Variants in SETBP1 observed in about 807,000 individuals in gnomAD.
SETBP1 encodes the protein SET-binding protein.
Under a neutral mutation model 101.0 loss-of-function variants are expected in SETBP1, and 9 were observed. That is an observed-to-expected ratio of 0.09 (90% CI 0.05 to 0.16). SETBP1 has a LOEUF of 0.16. Ranked by LOEUF, SETBP1 falls within the 10% of genes least tolerant of loss-of-function variation. SETBP1 has a pLI of 1.00. For missense variants in SETBP1, 1,858 were observed against 2,033.8 expected (o/e 0.91, Z 1.66); for synonymous variants, 818 against 788.5 (o/e 1.04, Z -0.63).
At position 44,953,326 on chromosome 18, in the gene SETBP1, C is replaced by G; in HGVS notation, c.3986C>G (p.Ser1329Cys). The G allele has an allele frequency of 1.2e-6, 2 of 1,613,580 alleles. No homozygotes were observed. Among genetic ancestry groups the G allele is most frequent in the Non-Finnish European group, 1.7e-6 (2 of 1,179,788 alleles). The change falls in exon 4 of 6, where the codon TCC becomes TGC. Residue 1329 changes from serine to cysteine, a missense_variant. Ser to Cys is a moderately radical substitution (Grantham distance 112). Coordinates refer to ENST00000649279, the MANE Select transcript of SETBP1 (RefSeq NM_015559.3). The part of the protein sequence containing the change: ...MNRKERSSYD[S>C]SMSPGMPSPH... ...CGCAAGGAGAGAAGTTCTTATGACT[C>G]CTCCATGTCTCCAGGTAAGGCTGTT...
rs150070233 is a variant in SETBP1 at position 44,812,834 on chromosome 18, G to C, written c.487-56396G>C. ...TTTATAATTTGATGAGGGCTAAAAT[G>C]TGAGAAAATGCTACACTTCAGCAGG... On this transcript the variant is annotated intron_variant, in intron 2 of 5. Coordinates refer to ENST00000649279, the MANE Select transcript of SETBP1 (RefSeq NM_015559.3). 6.0e-3 allele frequency among the ~76,000 whole-genome samples: 916 copies of C among 152,350 alleles called. 6 individuals carry two copies. The highest frequency in any genetic ancestry group is 9.5e-3 in the Non-Finnish European group (643 of 68,040).
At chr18:44,901,697 T>C (rs1449359619) in intron 3 of SETBP1, among the ~76,000 whole-genome samples, 8 of 152,176 alleles carry the variant, frequency 5.3e-5, no homozygotes, top group Non-Finnish European at 1.0e-4. Flanking sequence ...CCAGACATTA[T>C]ACACTTAGGG....
In SETBP1 at chr18:44,869,438, C is replaced by T. The variant is rs2069218236; in HGVS notation, c.540+155C>T. On this transcript the variant is annotated intron_variant, in intron 3 of 5. Coordinates refer to ENST00000649279, the MANE Select transcript of SETBP1 (RefSeq NM_015559.3). Reference sequence around the variant, plus strand: ...TGACAATGACCTGGTGGCTTGCTCTCCTCCTCCAGCTCCTCTCATTCTAGC... The same window carrying T: ...TGACAATGACCTGGTGGCTTGCTCTTCTCCTCCAGCTCCTCTCATTCTAGC... 16 of 719,784 alleles carry T rather than the reference C, an allele frequency of 2.2e-5. No individual in the cohort carries two copies. The South Asian group carries it at 2.3e-4, about 10-fold the overall frequency. 44.6% of individuals were successfully genotyped at this position (719,784 alleles called of 1,614,324 possible). A position where few individuals can be genotyped will look rare whatever the true frequency, so the allele number is the denominator to read the frequency against.
intron 4 of SETBP1, among the ~76,000 whole-genome samples, chr18:44,973,347 G>A (rs913811422): frequency 1.3e-5 from 2 of 151,650 alleles, no homozygotes; most frequent in Non-Finnish European, 2.9e-5. Flanking sequence ...TCTTTTTTTT[G>A]TTGTGCTTCT....
chr18:44,744,607 C>A (rs971570391), intron 2 of SETBP1, among the ~76,000 whole-genome samples: 7 of 152,142 alleles, frequency 4.6e-5, no homozygotes, highest in Non-Finnish European at 7.3e-5. Flanking sequence ...TGGCGAATGT[C>A]GCGCACCCAG....
chr18:44,950,831 G>A lies in SETBP1; in HGVS notation c.1491G>A (p.Pro497=), dbSNP rs113053616. 2,411 of 1,614,110 alleles carry A rather than the reference G, an allele frequency of 1.5e-3. 16 individuals are homozygous for A. The highest frequency in any genetic ancestry group is 0.015 in the African/African-American group (1,110 of 75,022). ...EKVIPGGVSK[P]RKPPMVMTPP... Reference sequence around the variant, plus strand: ...TTATCCCAGGAGGTGTGTCTAAGCCGCGGAAGCCACCCATGGTCATGACAC... The same window carrying A: ...TTATCCCAGGAGGTGTGTCTAAGCCACGGAAGCCACCCATGGTCATGACAC... The change falls in exon 4 of 6, where the codon CCG becomes CCA. Residue 497 remains proline, a synonymous_variant. Transcript: ENST00000649279.
chr18:44,789,514 T>C (rs1269347499), intron 2 of SETBP1, among the ~76,000 whole-genome samples: 2 of 152,218 alleles, frequency 1.3e-5, no homozygotes, highest in African/African-American at 4.8e-5. Context: ...ATCCGAGCAG[T>C]ATGTGGAAGA....
intron 3 of SETBP1, among the ~76,000 whole-genome samples, chr18:44,884,849 C>T (rs746840348): frequency 3.9e-5 from 6 of 152,038 alleles, no homozygotes; most frequent in Non-Finnish European, 7.4e-5. Context: ...GTCATGAGTT[C>T]AGTGTCTAGG....
intron 2 of SETBP1, among the ~76,000 whole-genome samples, chr18:44,702,656 T>C (rs911294234): frequency 1.3e-5 from 2 of 152,240 alleles, no homozygotes; most frequent in Admixed American, 6.5e-5. Context: ...TCAAGAATTG[T>C]TAAAATCTCC....
At chr18:45,040,047 C>T (rs1056103569) in intron 5 of SETBP1, among the ~76,000 whole-genome samples, 9 of 152,224 alleles carry the variant, frequency 5.9e-5, no homozygotes, top group Non-Finnish European at 8.8e-5. Context: ...AGGGAGACAC[C>T]GAATTACACA....
rs761279467 is a variant in SETBP1, at chr18:44,953,068, C to T, written c.3728C>T (p.Thr1243Ile). ...TLSLSDAQHWTQAKEKGDLSS... is the reference protein window; with the variant it reads ...TLSLSDAQHWIQAKEKGDLSS... ...TCACTTTCCGACGCCCAGCATTGGA[C>T]ACAGGCCAAGGAAAAAGGAGACTTG... Residue 1243 changes from threonine (T) to isoleucine (I), a missense_variant, in exon 4 of 6, where the codon ACA becomes ATA. By Grantham distance (89) the Thr-to-Ile change is moderately conservative. This residue lies in a region of SETBP1 where 417 missense variants were observed against 389.1 expected (regional missense o/e 1.07). Transcript: ENST00000649279. The T allele has an allele frequency of 6.2e-7, 1 of 1,614,178 alleles. No individual in the cohort carries two copies. The highest frequency in any genetic ancestry group is 8.5e-7 in the Non-Finnish European group (1 of 1,180,030).
At chr18:44,767,765 C>G (rs1021116099) in intron 2 of SETBP1, among the ~76,000 whole-genome samples, 1 of 152,152 alleles carries the variant, frequency 6.6e-6, no homozygotes, top group South Asian at 2.1e-4. Flanking sequence ...GACATCATCA[C>G]TTATTTACAG....
chr18:44,807,824 T>C (rs1282013432), intron 2 of SETBP1, among the ~76,000 whole-genome samples: 1 of 152,156 alleles, frequency 6.6e-6, no homozygotes, highest in Non-Finnish European at 1.5e-5. Flanking sequence ...GAAAATGGAA[T>C]TCACAAGGGC....
intron 5 of SETBP1, among the ~76,000 whole-genome samples, chr18:45,057,859 A>C (rs1215068050): frequency 6.6e-6 from 1 of 152,210 alleles, no homozygotes; most frequent in Non-Finnish European, 1.5e-5. Flanking sequence ...CTTCTATATA[A>C]CTAAGCCTTG....
chr18:44,952,362 C>A lies in SETBP1; in HGVS notation c.3022C>A (p.Arg1008Ser), dbSNP rs776187085. Residue 1008 changes from arginine (R) to serine (S), a missense_variant, in exon 4 of 6, where the codon CGT (arginine) becomes AGT (serine). Arg to Ser is a moderately radical substitution (Grantham distance 110). Transcript: ENST00000649279. The part of the protein sequence containing the change: ...YIQYDPLLYL[R>S]RTSDLKSKKK... ...CCAGTATGACCCGTTGCTCTATCTT[C>A]GTAGGACTTCAGACTTGAAGTCAAA... is the stretch of plus-strand genomic sequence containing the variant. 1 of 1,614,080 alleles carries A rather than the reference C, an allele frequency of 6.2e-7. No homozygotes were observed. Among genetic ancestry groups the A allele is most frequent in the South Asian group, 1.1e-5 (1 of 91,078 alleles).
At chr18:44,858,009 G>C (rs1251869924) in intron 2 of SETBP1, among the ~76,000 whole-genome samples, 3 of 152,132 alleles carry the variant, frequency 2.0e-5, no homozygotes, top group Non-Finnish European at 2.9e-5. Flanking sequence ...CAGAAAAGGA[G>C]AGTTTCTGGC....
rs758128091 is a variant in SETBP1 at position 44,952,080 on chromosome 18, C to T, written c.2740C>T (p.Arg914Trp). The T allele has an allele frequency of 1.5e-5, 24 of 1,613,964 alleles. No homozygotes were observed. Among genetic ancestry groups the T allele is most frequent in the South Asian group, 1.3e-4 (12 of 91,070 alleles). The change falls in exon 4 of 6, where the codon CGG (arginine) becomes TGG (tryptophan). Residue 914 changes from arginine (R) to tryptophan (W), a missense_variant. Physicochemically the swap from Arg to Trp is moderately radical, Grantham distance 101. Coordinates refer to ENST00000649279, the MANE Select transcript of SETBP1 (RefSeq NM_015559.3). ...TCCGTCCGACACCAGCACAAAGAAC[C>T]GGCATGGCCACCGGCAAAAGCATCT... is the stretch of plus-strand genomic sequence containing the variant. Reference protein sequence around the residue: ...AIPSDTSTKNRHGHRQKHLIV... With the variant: ...AIPSDTSTKNWHGHRQKHLIV...
chr18:44,848,748 G>A (rs964891852), intron 2 of SETBP1, among the ~76,000 whole-genome samples: 2 of 152,120 alleles, frequency 1.3e-5, no homozygotes, highest in Non-Finnish European at 1.5e-5. Context: ...ATTGTCATTC[G>A]GAAGCCTCCC....
intron 3 of SETBP1, among the ~76,000 whole-genome samples, chr18:44,904,047 C>T (rs2070114803): frequency 6.6e-6 from 1 of 152,122 alleles, no homozygotes; most frequent in African/African-American, 2.4e-5. Context: ...GAGTCTACAG[C>T]AGGCAACTCA....
Sources: gnomAD v4.1 joint callset for allele counts (sites outside exome capture counted in the v4.1 genomes callset) on GRCh38, gnomAD v4.1.1 for gene constraint, gnomAD v4.1.1 regional missense constraint, MANE v1.5 for transcripts, NCBI Gene and HGNC (gene_info 2026-07-23, HGNC 2026-07-21) for gene names.